Variants in BBX observed in about 807,000 individuals in gnomAD.
BBX encodes BBX high mobility group box domain containing.
A neutral mutation model predicts 100.2 loss-of-function variants in BBX; 30 were observed. That is an observed-to-expected ratio of 0.30 (90% confidence interval 0.22 to 0.41). The LOEUF (loss-of-function observed/expected upper bound fraction) is 0.41, where lower values mean the gene tolerates loss of function less well. BBX is among the 10% of genes least tolerant of loss of function. The pLI, the probability that BBX is intolerant of heterozygous loss-of-function variation, is 1.00. For synonymous variants in BBX, 376 were observed against 388.1 expected (o/e 0.97, Z 0.37); for missense variants, 1,023 against 1,129.8 (o/e 0.91, Z 1.35).
chr3:107,643,598 C>G (rs1180490723), intron 2 of BBX, among the ~76,000 whole-genome samples: 1 of 152,078 alleles, frequency 6.6e-6, no homozygotes, highest in Non-Finnish European at 1.5e-5. Flanking sequence ...AGATGAAAAT[C>G]TGCCCAGGCG....
At chr3:107,643,123 A>T (rs2057317024) in intron 2 of BBX, among the ~76,000 whole-genome samples, 1 of 152,102 alleles carries the variant, frequency 6.6e-6, no homozygotes, top group Admixed American at 6.5e-5. Flanking sequence ...GGACATTAAC[A>T]CTAATTGGGA....
chr3:107,677,146 T>C (rs1047440585), intron 3 of BBX, among the ~76,000 whole-genome samples: 2 of 152,132 alleles, frequency 1.3e-5, no homozygotes, highest in African/African-American at 4.8e-5. Flanking sequence ...TAGCATGACA[T>C]TGGTAACCTG....
At position 107,708,652 on chromosome 3, in the gene BBX, C is replaced by T. The variant is rs546271302; in HGVS notation, c.-9-1800C>T. ...TCGCACCACTGCACTCCAACCTAGG[C>T]AACATAGCAAGACTCCGTCTCAAAA... On this transcript the variant is annotated intron_variant, in intron 3 of 17. Coordinates refer to ENST00000325805, the MANE Select transcript of BBX (RefSeq NM_001142568.3). Among the ~76,000 whole-genome samples the T allele has an allele frequency of 3.2e-5, 4 of 123,220 alleles. No individual in the cohort carries two copies. In the East Asian group the frequency reaches 1.0e-3, roughly 31 times the overall value. 80.8% of individuals were successfully genotyped at this position (123,220 alleles called of 152,430 possible).
chr3:107,661,587 A>G (rs1559932932), intron 3 of BBX, among the ~76,000 whole-genome samples: 2 of 152,172 alleles, frequency 1.3e-5, no homozygotes, highest in Non-Finnish European at 2.9e-5. Context: ...CAGATTTAGT[A>G]ACATGAGAGC....
At chr3:107,545,089 G>A (rs755389309) in intron 2 of BBX, among the ~76,000 whole-genome samples, 5 of 151,988 alleles carry the variant, frequency 3.3e-5, no homozygotes, top group Admixed American at 6.6e-5. Context: ...TTACCTCTGC[G>A]GTTTATTGAC....
At chr3:107,772,568 T>G (rs2066993632) in intron 10 of BBX, 60 bp from the exon 11 acceptor site, 1 of 1,477,598 alleles carries the variant, frequency 6.8e-7, no homozygotes, top group South Asian at 1.4e-5. Flanking sequence ...AACTTTAATT[T>G]TGAAGGTGGA....
chr3:107,652,616 T>C (rs1054920240), intron 3 of BBX, among the ~76,000 whole-genome samples: 2 of 152,204 alleles, frequency 1.3e-5, no homozygotes, highest in Admixed American at 6.5e-5. Context: ...ACAGTATGAA[T>C]ATATTCAGGC....
At chr3:107,589,011 A>G (rs2053078667) in intron 2 of BBX, among the ~76,000 whole-genome samples, 2 of 152,222 alleles carry the variant, frequency 1.3e-5, no homozygotes, top group South Asian at 4.1e-4. Context: ...GTCAAAATTA[A>G]GGGGGATATG....
intron 3 of BBX, among the ~76,000 whole-genome samples, chr3:107,648,418 G>A (rs1175222413): frequency 6.6e-6 from 1 of 152,092 alleles, no homozygotes; most frequent in African/African-American, 2.4e-5. Context: ...TTAGAGAAAG[G>A]AAATATGATA....
chr3:107,770,519 A>G lies in BBX; in HGVS notation c.907-2109A>G, dbSNP rs139385455. Among the ~76,000 whole-genome samples, 522 of 152,350 alleles carry G rather than the reference A, an allele frequency of 3.4e-3. 4 individuals carry two copies. Among genetic ancestry groups the G allele is most frequent in the South Asian group, 0.024 (118 of 4,826 alleles). ...TGATATAAAAATAGTACATTCTCCC[A>G]TAAGAGTAAAACATGCAGGGAATAT... is the stretch of plus-strand genomic sequence containing the variant. On this transcript the variant is annotated intron_variant, in intron 10 of 17. Transcript: ENST00000325805.
chr3:107,631,536 A>G (rs931543600), intron 2 of BBX, among the ~76,000 whole-genome samples: 1 of 124,868 alleles, frequency 8.0e-6, no homozygotes, highest in Non-Finnish European at 1.8e-5. Context: ...CCTTGCTTAG[A>G]ATTAGTTAAA....
At chr3:107,718,949 G>A (rs904409477) in intron 5 of BBX, among the ~76,000 whole-genome samples, 10 of 152,044 alleles carry the variant, frequency 6.6e-5, no homozygotes, top group Admixed American at 2.0e-4. Context: ...ATCTCTAGTC[G>A]TAAGTGATTC....
chr3:107,748,146 C>A, intron 9 of BBX, 107 bp downstream of exon 9: 1 of 854,352 alleles, frequency 1.2e-6, no homozygotes, highest in South Asian at 1.7e-5. Flanking sequence ...TGCCTGTTGT[C>A]ATTATTAACA....
At chr3:107,535,375 A>G (rs912181573) in intron 2 of BBX, among the ~76,000 whole-genome samples, 1 of 152,214 alleles carries the variant, frequency 6.6e-6, no homozygotes, top group South Asian at 2.1e-4. Context: ...CATCTGTAAG[A>G]TCATTGTCAA....
intron 3 of BBX, among the ~76,000 whole-genome samples, chr3:107,694,701 T>C (rs1244733241): frequency 2.0e-5 from 3 of 151,272 alleles, no homozygotes; most frequent in Non-Finnish European, 4.4e-5. Context: ...AGGATGATGC[T>C]GGCCTCATAA....
At chr3:107,753,707 G>A (rs147194504) in intron 9 of BBX, among the ~76,000 whole-genome samples, 2 of 152,300 alleles carry the variant, frequency 1.3e-5, no homozygotes, top group African/African-American at 4.8e-5. Flanking sequence ...AACAGCAGAG[G>A]GAGCCAGTGG....
chr3:107,593,196 A>G (rs967434728), intron 2 of BBX, among the ~76,000 whole-genome samples: 14 of 152,250 alleles, frequency 9.2e-5, no homozygotes, highest in African/African-American at 2.9e-4. Flanking sequence ...TTTGCTAGAT[A>G]TTATGGGATA....
intron 3 of BBX, among the ~76,000 whole-genome samples, chr3:107,656,247 TA>T (rs1399357071): frequency 6.6e-6 from 1 of 152,206 alleles, no homozygotes; most frequent in African/African-American, 2.4e-5. Flanking sequence ...TTCATGCACA[TA>T]AGCATAAAAG....
intron 2 of BBX, among the ~76,000 whole-genome samples, chr3:107,603,178 A>G (rs551750573): frequency 6.6e-6 from 1 of 151,664 alleles, no homozygotes; most frequent in Non-Finnish European, 1.5e-5. Context: ...GTTGGCCAGG[A>G]TGGTCTCGAT....
Sources: gnomAD v4.1 joint callset for allele counts (sites outside exome capture counted in the v4.1 genomes callset) on GRCh38, gnomAD v4.1.1 for gene constraint, MANE v1.5 for transcripts, NCBI Gene and HGNC (gene_info 2026-07-23, HGNC 2026-07-21) for gene names.